The following DEK variants were observed in gnomAD, a reference collection of about 807,000 sequenced individuals.
The protein encoded by DEK is DEK proto-oncogene, also known as protein DEK.
Under a neutral mutation model 46.8 loss-of-function variants are expected in DEK, and 28 were observed. The observed-to-expected ratio is 0.60, with a 90% CI of 0.44 to 0.82. The LOEUF is 0.82. Among genes scored for constraint, DEK ranks in the 40% least tolerant of loss-of-function variants. The pLI is 0.00. For synonymous variants in DEK, 160 were observed against 144.5 expected (o/e 1.11, Z -0.77); for missense variants, 416 against 430.6 (o/e 0.97, Z 0.30).
intron 7 of DEK, among the ~76,000 whole-genome samples, chr6:18,248,996 C>T (rs1197009122): frequency 7.1e-6 from 1 of 141,522 alleles, no homozygotes; most frequent in African/African-American, 2.9e-5. Flanking sequence ...ATAATAGAAA[C>T]CCATCTCCTG....
chr6:18,229,058 G>T (rs1790275531), intron 9 of DEK, among the ~76,000 whole-genome samples: 1 of 152,228 alleles, frequency 6.6e-6, no homozygotes, highest in South Asian at 2.1e-4. Context: ...GAAGCTTCCA[G>T]AGGAAGGATC....
At chr6:18,232,250 GTCA>G (rs1413365479) in intron 9 of DEK, among the ~76,000 whole-genome samples, 3 of 151,660 alleles carry the variant, frequency 2.0e-5, no homozygotes, top group East Asian at 1.9e-4. Context: ...CAAACCCACA[GTCA>G]TCATATTGAA....
Position 18,259,430 on chromosome 6 carries a change from A to AAAAAAAAAAAAAAAAAAAAAAAAAAT in DEK, c.146-1026_146-1025insATTTTTTTTTTTTTTTTTTTTTTTTT. Among the ~76,000 whole-genome samples, 3 of 96,742 alleles carry AAAAAAAAAAAAAAAAAAAAAAAAAAT rather than the reference A, an allele frequency of 3.1e-5. 1 individual carries two copies. Among genetic ancestry groups the AAAAAAAAAAAAAAAAAAAAAAAAAAT allele is most frequent in the Non-Finnish European group, 7.1e-5 (3 of 42,170 alleles). 63.5% of individuals were successfully genotyped at this position (96,742 alleles called of 152,430 possible). On this transcript the variant is annotated intron_variant, in intron 2 of 10. Transcript: ENST00000652689. Reference sequence around the variant, plus strand: ...AAAAAAAAAAAAAAAAAAAAAAAAAAAAATCTAGAAAACAGGTAGCATATA... The same window carrying AAAAAAAAAAAAAAAAAAAAAAAAAAT: ...AAAAAAAAAAAAAAAAAAAAAAAAAAAAAAAAAAAAAAAAAAAAAAAAAAATAAATCTAGAAAACAGGTAGCATATA...
At chr6:18,262,029 G>A (rs914370060) in intron 2 of DEK, among the ~76,000 whole-genome samples, 2 of 152,124 alleles carry the variant, frequency 1.3e-5, no homozygotes, top group Non-Finnish European at 2.9e-5. Flanking sequence ...CCTCATGAAC[G>A]GCTTAGCATG....
At chr6:18,236,352 T>A in intron 9 of DEK, 100 bp downstream of exon 9, 1 of 1,301,126 alleles carries the variant, frequency 7.7e-7, no homozygotes, top group Non-Finnish European at 1.1e-6. Flanking sequence ...AAATCTTTCT[T>A]CAATAAGTGA....
chr6:18,263,120 G>A (rs1177721461), intron 2 of DEK, among the ~76,000 whole-genome samples: 1 of 152,136 alleles, frequency 6.6e-6, no homozygotes, highest in Admixed American at 6.5e-5. Flanking sequence ...CATGCATCCT[G>A]GATAAACTGC....
At chr6:18,231,033 G>A (rs546933042) in intron 9 of DEK, among the ~76,000 whole-genome samples, 16 of 152,294 alleles carry the variant, frequency 1.1e-4, no homozygotes, top group Non-Finnish European at 2.2e-4. Flanking sequence ...AGACCAAAGT[G>A]CAATCAAACT....
At chr6:18,259,743 G>T (rs935685136) in intron 2 of DEK, among the ~76,000 whole-genome samples, 1 of 152,240 alleles carries the variant, frequency 6.6e-6, no homozygotes, top group Admixed American at 6.5e-5. Context: ...CACTGAGGAG[G>T]AATTGATTAT....
rs374115043 is a variant in DEK at position 18,263,909 on chromosome 6, C to T, written c.79G>A (p.Gly27Ser). ...PASEKEPEMPGPREESEEEED... is the reference protein window; with the variant it reads ...PASEKEPEMPSPREESEEEED... ...TCCTCCTCGCTCTCCTCTCTGGGAC[C>T]GGGCATTTCGGGTTCTTTCTCGGAC... is the stretch of plus-strand genomic sequence containing the variant. The change falls in exon 2 of 11, where the codon GGT (glycine) becomes AGT (serine). Residue 27 changes from glycine to serine, a missense_variant. Transcript: ENST00000652689. The T allele has an allele frequency of 1.9e-5, 31 of 1,611,930 alleles. 1 individual carries two copies. The South Asian group carries it at 2.5e-4, about 13-fold the overall frequency.
At chr6:18,249,879 A>C in intron 6 of DEK, 40 bp from the exon 7 acceptor site, 2 of 1,533,964 alleles carry the variant, frequency 1.3e-6, no homozygotes, top group Non-Finnish European at 1.7e-6. Flanking sequence ...ATGAGGTATA[A>C]TATTTCAATC....
At chr6:18,242,651 A>T (rs917558385) in intron 7 of DEK, among the ~76,000 whole-genome samples, 1 of 152,204 alleles carries the variant, frequency 6.6e-6, no homozygotes, top group Non-Finnish European at 1.5e-5. Flanking sequence ...CATCTTGGTT[A>T]TCCTATCAAC....
At chr6:18,226,148 CAA>C (rs1790116345) in intron 10 of DEK, 24 bp downstream of exon 10, 1 of 1,280,132 alleles carries the variant, frequency 7.8e-7, no homozygotes, top group Non-Finnish European at 1.0e-6. Context: ...TTTCTAAAGT[CAA>C]ACTTGAAAGA....
At chr6:18,249,889 C>A in intron 6 of DEK, 50 bp from the exon 7 acceptor site, 3 of 1,508,134 alleles carry the variant, frequency 2.0e-6, no homozygotes, top group Non-Finnish European at 2.6e-6. Flanking sequence ...ATATTTCAAT[C>A]AATTCTCTTC....
rs1302135047 is a variant in DEK, at chr6:18,263,906, G to A, written c.82C>T (p.Pro28Ser). The change falls in exon 2 of 11, where the codon CCC becomes TCC. Residue 28 changes from proline (P) to serine (S), a missense_variant. Physicochemically the swap from Pro to Ser is moderately conservative, Grantham distance 74. Transcript: ENST00000652689. ...TCTTCCTCCTCGCTCTCCTCTCTGG[G>A]ACCGGGCATTTCGGGTTCTTTCTCG... ...ASEKEPEMPG[P>S]REESEEEEDE... 6 of 1,611,914 alleles carry A rather than the reference G, an allele frequency of 3.7e-6. No homozygotes were observed. The highest frequency in any genetic ancestry group is 3.3e-5 in the Admixed American group (2 of 59,726).
chr6:18,236,039 T>G (rs1790633049), intron 9 of DEK, among the ~76,000 whole-genome samples: 1 of 152,212 alleles, frequency 6.6e-6, no homozygotes, highest in Non-Finnish European at 1.5e-5. Flanking sequence ...AGAAAGACGC[T>G]GCAGAAGTCT....
chr6:18,253,707 C>A (rs1747494685), intron 6 of DEK, among the ~76,000 whole-genome samples: 1 of 152,030 alleles, frequency 6.6e-6, no homozygotes, highest in Non-Finnish European at 1.5e-5. Flanking sequence ...TTATGTGAGG[C>A]TCGGTTTTCT....
chr6:18,251,290 G>C (rs1400786777), intron 6 of DEK, among the ~76,000 whole-genome samples: 1 of 152,144 alleles, frequency 6.6e-6, no homozygotes, highest in Non-Finnish European at 1.5e-5. Context: ...ATCCAATTGT[G>C]TAAATGTTTG....
chr6:18,255,725 C>G lies in DEK; in HGVS notation c.573+6G>C, dbSNP rs764895448. On this transcript the variant is annotated splice_donor_region_variant and intron_variant, in intron 6 of 10. Coordinates refer to ENST00000652689, the MANE Select transcript of DEK (RefSeq NM_003472.4). Reference sequence around the variant, plus strand: ...ATTTATGAAAAAAATAAAAATTGATCCTCACTTTGCCAGAAGGCTTTGGAT... The same window carrying G: ...ATTTATGAAAAAAATAAAAATTGATGCTCACTTTGCCAGAAGGCTTTGGAT... 2 of 1,583,818 alleles carry G rather than the reference C, an allele frequency of 1.3e-6. No homozygotes were observed. Among genetic ancestry groups the G allele is most frequent in the East Asian group, 4.5e-5 (2 of 44,358 alleles).
chr6:18,254,590 G>C (rs563693503), intron 6 of DEK, among the ~76,000 whole-genome samples: 1 of 151,658 alleles, frequency 6.6e-6, no homozygotes, highest in Non-Finnish European at 1.5e-5. Flanking sequence ...AGCTCTTGGG[G>C]TCCTCACTAA....
Sources: allele counts gnomAD v4.1 joint callset (sites outside exome capture counted in the v4.1 genomes callset), GRCh38; gene constraint gnomAD v4.1.1; transcripts MANE v1.5; gene names NCBI Gene and HGNC (gene_info 2026-07-23, HGNC 2026-07-21).